The following ZNF277 variants were observed in gnomAD, a reference collection of about 807,000 sequenced individuals.
ZNF277 encodes the protein nuclear receptor-interacting factor 4.
In ZNF277, 55 loss-of-function variants were observed where a neutral mutation model predicts 60.7. The observed-to-expected ratio is 0.91, with a 90% CI of 0.73 to 1.13. The LOEUF is 1.13. Among genes scored for constraint, ZNF277 ranks in the 50% most tolerant of loss-of-function variants. The pLI is 0.00. For synonymous variants in ZNF277, 178 were observed against 179.3 expected (o/e 0.99, Z 0.06); for missense variants, 510 against 523.0 (o/e 0.98, Z 0.24).
intron 1 of ZNF277, 102 bp downstream of exon 1, chr7:112,206,909 G>A (rs1821505235): frequency 2.6e-6 from 3 of 1,164,500 alleles, no homozygotes. Flanking sequence ...TTCAGCTCTG[G>A]GGCCACCTGG....
chr7:112,310,478 A>AGAGAGAGAGAGT lies in ZNF277; in HGVS notation c.466-7703_466-7702insAGAGAGAGAGTG, dbSNP rs762824873. Among the ~76,000 whole-genome samples, 768 of 125,558 alleles carry AGAGAGAGAGAGT rather than the reference A, an allele frequency of 6.1e-3. 25 individuals carry two copies. Among genetic ancestry groups the AGAGAGAGAGAGT allele is most frequent in the African/African-American group, 0.027 (709 of 25,788 alleles). The allele number at this position is 125,558 out of a possible 152,430, so 82.4% of individuals were successfully genotyped here. On this transcript the variant is annotated intron_variant, in intron 4 of 11. Transcript: ENST00000361822. ...TTGAGAGAGAGAGAGAGAGAGAGAG[A>AGAGAGAGAGAGT]GTGTGTGTGTGTGTATGTATTTTAT... is the stretch of plus-strand genomic sequence containing the variant.
At chr7:112,216,468 C>T (rs12668065) in intron 1 of ZNF277, among the ~76,000 whole-genome samples, 18,360 of 152,084 alleles carry the variant, frequency 0.12, 1,253 homozygotes, top group East Asian at 0.16. Context: ...TGCCACCATG[C>T]GCAGCTAAAT....
chr7:112,302,915 A>G (rs1363216086), intron 4 of ZNF277, among the ~76,000 whole-genome samples: 1 of 149,868 alleles, frequency 6.7e-6, no homozygotes, highest in Non-Finnish European at 1.5e-5. Context: ...AGGATACTTT[A>G]TCACATTTGA....
chr7:112,209,516 G>A (rs968582471), intron 1 of ZNF277, among the ~76,000 whole-genome samples: 12 of 151,850 alleles, frequency 7.9e-5, no homozygotes, highest in African/African-American at 2.9e-4. Flanking sequence ...GTGAATTTGC[G>A]GTATCTATAA....
chr7:112,281,964 C>T (rs1791954312), intron 1 of ZNF277, among the ~76,000 whole-genome samples: 2 of 152,162 alleles, frequency 1.3e-5, no homozygotes, highest in Admixed American at 1.3e-4. Context: ...TCCCGAGTAG[C>T]TGGGATTACA....
chr7:112,256,320 C>T (rs965674289), intron 1 of ZNF277, among the ~76,000 whole-genome samples: 2 of 151,552 alleles, frequency 1.3e-5, no homozygotes, highest in Non-Finnish European at 2.9e-5. Flanking sequence ...GAAGTTACCA[C>T]CTACCAGGGA....
rs1020485143 is a variant in ZNF277, at chr7:112,327,555, C to T, written c.558-162C>T. On this transcript the variant is annotated intron_variant, in intron 5 of 11. Transcript: ENST00000361822. ...GAACTGATGTGACTGTGTACACTTACATACTTTATAATGTCACTCTTTAAT... is the reference window on the plus strand; with the variant it reads ...GAACTGATGTGACTGTGTACACTTATATACTTTATAATGTCACTCTTTAAT... Among the ~76,000 whole-genome samples, 26 of 152,210 alleles carry T rather than the reference C, an allele frequency of 1.7e-4. 1 individual carries two copies. The highest frequency in any genetic ancestry group is 3.8e-4 in the Non-Finnish European group (26 of 68,036).
intron 1 of ZNF277, among the ~76,000 whole-genome samples, chr7:112,241,445 T>G (rs1025856429): frequency 2.6e-5 from 4 of 152,142 alleles, no homozygotes; most frequent in Admixed American, 6.5e-5. Context: ...GAAAACAGTT[T>G]GGAGGTTGCT....
At chr7:112,310,399 T>TCCCTTGTCTGC (rs1213522738) in intron 4 of ZNF277, among the ~76,000 whole-genome samples, 2 of 150,686 alleles carry the variant, frequency 1.3e-5, no homozygotes, top group East Asian at 3.9e-4. Flanking sequence ...CTGGTGTGTT[T>TCCCTTGTCTGC]CCCTTGTCTG....
At chr7:112,296,928 T>TTTA (rs1792364572) in intron 4 of ZNF277, among the ~76,000 whole-genome samples, 1 of 60,558 alleles carries the variant, frequency 1.7e-5, no homozygotes, top group South Asian at 6.2e-4. Context: ...TTTTTTTTTT[T>TTTA]TTTTTTTTTT....
chr7:112,342,454 T>C, intron 11 of ZNF277, 107 bp from the exon 12 acceptor site: 1 of 960,722 alleles, frequency 1.0e-6, no homozygotes, highest in Non-Finnish European at 1.4e-6. Flanking sequence ...TGCTATGAAA[T>C]TGTTGGCAAG....
intron 1 of ZNF277, among the ~76,000 whole-genome samples, chr7:112,234,165 T>C (rs928498752): frequency 1.3e-5 from 2 of 152,224 alleles, no homozygotes; most frequent in Admixed American, 1.3e-4. Context: ...AATGCTGCAG[T>C]AACCATCCTT....
chr7:112,315,652 G>C (rs1297035322), intron 4 of ZNF277, among the ~76,000 whole-genome samples: 1 of 152,058 alleles, frequency 6.6e-6, no homozygotes, highest in Non-Finnish European at 1.5e-5. Context: ...AAAAACATGA[G>C]AATTGTCTTA....
chr7:112,302,300 TC>T (rs1792494858), intron 4 of ZNF277, among the ~76,000 whole-genome samples: 1 of 152,092 alleles, frequency 6.6e-6, no homozygotes, highest in Non-Finnish European at 1.5e-5. Context: ...ATTGCGTATC[TC>T]CCACTGAGAA....
At chr7:112,310,478 AGTGT>A (rs1554493410) in intron 4 of ZNF277, among the ~76,000 whole-genome samples, 1 of 125,512 alleles carries the variant, frequency 8.0e-6, no homozygotes, top group South Asian at 2.5e-4. Flanking sequence ...AGAGAGAGAG[AGTGT>A]GTGTGTGTGT....
At chr7:112,318,098 A>G (rs1792882146) in intron 4 of ZNF277, 84 bp from the exon 5 acceptor site, 8 of 1,102,550 alleles carry the variant, frequency 7.3e-6, no homozygotes, top group Admixed American at 1.9e-5. Context: ...CTTCCAGCCC[A>G]GTTTCCTCCC....
At chr7:112,327,328 G>C (rs186116610) in intron 5 of ZNF277, among the ~76,000 whole-genome samples, 81 of 152,304 alleles carry the variant, frequency 5.3e-4, no homozygotes, top group African/African-American at 1.7e-3. Flanking sequence ...GCGCTCCTAT[G>C]AGAATCTAAT....
intron 1 of ZNF277, among the ~76,000 whole-genome samples, chr7:112,218,534 A>AG (rs199773211): frequency 0.013 from 1,987 of 152,268 alleles, 47 homozygotes; most frequent in African/African-American, 0.046. Flanking sequence ...AGTGTTATTA[A>AG]TAATAGTTAC....
At position 112,327,804 on chromosome 7, in the gene ZNF277, T is replaced by C. The variant is rs1001032479; in HGVS notation, c.645T>C (p.Cys215=). The C allele has an allele frequency of 2.5e-6, 4 of 1,610,228 alleles. No homozygotes were observed. Among genetic ancestry groups the C allele is most frequent in the African/African-American group, 1.3e-5 (1 of 74,862 alleles). ...DNIVNCNEFL[C]TLQKKLDNLQ... ...TTGTAAACTGCAATGAATTTTTGTG[T>C]ACATTACAGAAAAAGCTTGACAAGT... The change falls in exon 6 of 12, where the codon TGT becomes TGC. Residue 215 remains cysteine, a synonymous_variant. Transcript: ENST00000361822.
Sources: allele counts gnomAD v4.1 joint callset (sites outside exome capture counted in the v4.1 genomes callset), GRCh38; gene constraint gnomAD v4.1.1; transcripts MANE v1.5; gene names NCBI Gene and HGNC (gene_info 2026-07-23, HGNC 2026-07-21).